ARID1B: variants seen among roughly 807,000 people sequenced by gnomAD.
ARID1B encodes AT-rich interactive domain-containing protein 1B.
ARID1B carries 30 observed loss-of-function variants against 212.3 expected under a neutral mutation model. The observed-to-expected ratio is 0.14, with a 90% CI of 0.11 to 0.19. The LOEUF (loss-of-function observed/expected upper bound fraction) is 0.19. Ranked by LOEUF, ARID1B falls within the 10% of genes least tolerant of loss-of-function variation. ARID1B has a pLI of 1.00. For missense variants in ARID1B, 2,891 were observed against 3,204.0 expected (o/e 0.90, Z 2.36); for synonymous variants, 1,402 against 1,301.7 (o/e 1.08, Z -1.66).
At chr6:157,027,278 A>G (rs1287617155) in intron 4 of ARID1B, among the ~76,000 whole-genome samples, 1 of 152,230 alleles carries the variant, frequency 6.6e-6, no homozygotes, top group Non-Finnish European at 1.5e-5. Context: ...ATTTCAGTAT[A>G]CCTAATCTTA....
intron 4 of ARID1B, among the ~76,000 whole-genome samples, chr6:157,013,801 C>CAG (rs1183118018): frequency 6.6e-6 from 1 of 152,160 alleles, no homozygotes; most frequent in Non-Finnish European, 1.5e-5. Context: ...CAGGCCTGAA[C>CAG]AGAATAGAAG....
intron 3 of ARID1B, among the ~76,000 whole-genome samples, chr6:156,933,251 A>G (rs2128266451): frequency 6.6e-6 from 1 of 152,252 alleles, no homozygotes; most frequent in East Asian, 1.9e-4. Context: ...TAAAAAAAAA[A>G]AAGTAGGCAT....
At chr6:157,152,363 A>G (rs1319360643) in intron 8 of ARID1B, 7 of 152,248 alleles carry the variant, frequency 4.6e-5, no homozygotes, top group South Asian at 2.1e-4. Flanking sequence ...CAGCATCCAG[A>G]TAGCTTCCTT....
intron 4 of ARID1B, among the ~76,000 whole-genome samples, chr6:156,944,206 A>C (rs537563616): frequency 6.6e-6 from 1 of 152,362 alleles, no homozygotes; most frequent in Non-Finnish European, 1.5e-5. Flanking sequence ...TGGAGTGAGT[A>C]AAGTGCGGGT....
chr6:156,970,047 CTTTG>C (rs1017313353), intron 4 of ARID1B, among the ~76,000 whole-genome samples: 4 of 135,178 alleles, frequency 3.0e-5, no homozygotes, highest in African/African-American at 7.6e-5. Context: ...AAAGCTTTGA[CTTTG>C]TTTTTTTTGT....
intron 5 of ARID1B, among the ~76,000 whole-genome samples, chr6:157,087,595 G>A (rs1456588437): frequency 6.6e-6 from 1 of 152,232 alleles, no homozygotes; most frequent in Non-Finnish European, 1.5e-5. Flanking sequence ...GAGACTGTCT[G>A]TGACAATTAC....
chr6:157,046,886 T>G (rs1335885030), intron 4 of ARID1B, among the ~76,000 whole-genome samples: 1 of 152,126 alleles, frequency 6.6e-6, no homozygotes, highest in Non-Finnish European at 1.5e-5. Flanking sequence ...TTTTTCACAA[T>G]GAAAAAGGCT....
intron 3 of ARID1B, among the ~76,000 whole-genome samples, chr6:156,912,813 A>G (rs1352037100): frequency 6.6e-6 from 1 of 152,080 alleles, no homozygotes; most frequent in Non-Finnish European, 1.5e-5. Flanking sequence ...TCCCCACACC[A>G]TCCATTTCTC....
chr6:157,003,580 G>A (rs1779027995), intron 4 of ARID1B, among the ~76,000 whole-genome samples: 2 of 152,164 alleles, frequency 1.3e-5, no homozygotes, highest in African/African-American at 2.4e-5. Context: ...CCTGGAGAAG[G>A]GTACATGGGA....
At chr6:156,853,996 T>C (rs974867318) in intron 2 of ARID1B, among the ~76,000 whole-genome samples, 4 of 152,212 alleles carry the variant, frequency 2.6e-5, no homozygotes, top group African/African-American at 9.6e-5. Context: ...CTTCTCACAG[T>C]GCTGGGATTA....
At chr6:157,112,828 A>G (rs773511996) in intron 6 of ARID1B, among the ~76,000 whole-genome samples, 18 of 151,708 alleles carry the variant, frequency 1.2e-4, no homozygotes, top group Admixed American at 2.6e-4. Context: ...TAATATGATT[A>G]TTGTTTTTCC....
intron 6 of ARID1B, among the ~76,000 whole-genome samples, chr6:157,123,606 T>TAACCACCATCCA (rs1179944762): frequency 1.3e-5 from 2 of 152,200 alleles, no homozygotes; most frequent in African/African-American, 4.8e-5. Context: ...CTCCAGAGAT[T>TAACCACCATCCA]AACCACCATC....
At chr6:157,039,747 TCCTTCCTTCCTACCTTCCTACCTACCTA>T (rs1346674654) in intron 4 of ARID1B, among the ~76,000 whole-genome samples, 1 of 110,490 alleles carries the variant, frequency 9.1e-6, no homozygotes, top group East Asian at 2.8e-4. Context: ...CTCCCTCCCT[TCCTTCCTTCCTACCTTCCTACCTACCTA>T]CCTTCCTTCC....
At chr6:156,906,185 G>A (rs1789358670) in intron 3 of ARID1B, among the ~76,000 whole-genome samples, 1 of 152,008 alleles carries the variant, frequency 6.6e-6, no homozygotes, top group Admixed American at 6.6e-5. Context: ...TCAAGAAGCT[G>A]GGGGTACTTT....
intron 8 of ARID1B, among the ~76,000 whole-genome samples, chr6:157,164,330 C>G (rs898158083): frequency 1.3e-5 from 2 of 152,218 alleles, no homozygotes; most frequent in African/African-American, 4.8e-5. Context: ...GTGCCTTCAT[C>G]ATCTTCTGGT....
intron 6 of ARID1B, among the ~76,000 whole-genome samples, chr6:157,127,851 A>G (rs556121261): frequency 1.3e-5 from 2 of 150,062 alleles, no homozygotes; most frequent in African/African-American, 4.9e-5. Context: ...AGTCCCAGCT[A>G]TTCAGGAGGC....
chr6:156,964,941 G>A (rs1037503185), intron 4 of ARID1B, among the ~76,000 whole-genome samples: 12 of 152,322 alleles, frequency 7.9e-5, no homozygotes, highest in African/African-American at 2.9e-4. Context: ...ACATAAGAAT[G>A]TGTTAATCTC....
At chr6:156,819,365 T>C (rs1228033003) in intron 1 of ARID1B, among the ~76,000 whole-genome samples, 1 of 152,210 alleles carries the variant, frequency 6.6e-6, no homozygotes, top group East Asian at 1.9e-4. Flanking sequence ...ATATATTCTA[T>C]TACTATTTTG....
intron 9 of ARID1B, chr6:157,170,208 A>G (rs1180447670): frequency 6.6e-6 from 1 of 152,234 alleles, no homozygotes; most frequent in Non-Finnish European, 1.5e-5. Flanking sequence ...ATTTTGCTCA[A>G]CAGTCTCCTG....
Sources: gnomAD v4.1 joint callset for allele counts (sites outside exome capture counted in the v4.1 genomes callset) on GRCh38, gnomAD v4.1.1 for gene constraint, MANE v1.5 for transcripts, NCBI Gene and HGNC (gene_info 2026-07-23, HGNC 2026-07-21) for gene names.